SCN9A: variants seen among roughly 807,000 people sequenced by gnomAD.
SCN9A encodes sodium channel protein type 9 subunit alpha.
SCN9A carries 131 observed loss-of-function variants against 187.0 expected under a neutral mutation model. The observed-to-expected ratio is 0.70, with a 90% CI of 0.61 to 0.81. The LOEUF (loss-of-function observed/expected upper bound fraction) is 0.81, where lower values mean the gene tolerates loss of function less well. Ranked by LOEUF, SCN9A falls within the 30% of genes least tolerant of loss-of-function variation. The pLI, the probability that SCN9A is intolerant of heterozygous loss-of-function variation, is 0.00. For synonymous variants in SCN9A, 809 were observed against 808.6 expected (o/e 1.00, Z -0.01); for missense variants, 2,252 against 2,396.6 (o/e 0.94, Z 1.26).
chr2:166,366,163 C>T (rs773159916), intron 1 of SCN9A, among the ~76,000 whole-genome samples: 7 of 152,114 alleles, frequency 4.6e-5, no homozygotes, highest in Non-Finnish European at 7.4e-5. Context: ...CCAACTAGAC[C>T]GGATCTAATG....
intron 17 of SCN9A, 123 bp downstream of exon 17, chr2:166,272,276 C>T: frequency 1.6e-6 from 1 of 625,532 alleles, no homozygotes. Context: ...TAAAGTCACG[C>T]ACAAAAACTA....
chr2:166,277,351 T>C lies in SCN9A; in HGVS notation c.2518-12A>G, dbSNP rs200513936. 2.8e-5 allele frequency: 44 copies of C among 1,553,886 alleles called. No homozygotes were observed. Among genetic ancestry groups the C allele is most frequent in the Admixed American group, 6.9e-5 (4 of 57,810 alleles). ...TTGAAGACTCGGAGCTAAAAGCAAA[T>C]ATAAAGTTTAATGTTAATCACTATG... On this transcript the variant is annotated splice_polypyrimidine_tract_variant and intron_variant, in intron 15 of 26. Coordinates refer to ENST00000642356, the MANE Select transcript of SCN9A (RefSeq NM_001365536.1).
intron 24 of SCN9A, among the ~76,000 whole-genome samples, chr2:166,205,565 G>A (rs1693756698): frequency 6.6e-6 from 1 of 152,120 alleles, no homozygotes; most frequent in South Asian, 2.1e-4. Context: ...AACCCTAGAA[G>A]AAACTCTAGG....
intron 10 of SCN9A, among the ~76,000 whole-genome samples, 160 bp downstream of exon 10, chr2:166,288,277 A>G (rs991905414): frequency 2.0e-5 from 3 of 151,914 alleles, no homozygotes; most frequent in African/African-American, 4.8e-5. Context: ...TCAGCCCAGA[A>G]TTGGTTCCTT....
chr2:166,333,136 C>G (rs1699547799), intron 1 of SCN9A, among the ~76,000 whole-genome samples: 1 of 151,900 alleles, frequency 6.6e-6, no homozygotes, highest in African/African-American at 2.4e-5. Flanking sequence ...TCCCTACCTC[C>G]AGGTGGAGTT....
In SCN9A at chr2:166,311,741, G is replaced by A; in HGVS notation, c.16C>T (p.Pro6Ser). 1 of 1,603,428 alleles carries A rather than the reference G, an allele frequency of 6.2e-7. No individual in the cohort carries two copies. Residue 6 changes from proline to serine, a missense_variant, in exon 2 of 27, where the codon CCC (proline) becomes TCC (serine). Physicochemically the swap from Pro to Ser is moderately conservative, Grantham distance 74 (BLOSUM62 -1). Transcript: ENST00000642356. Reference sequence around the variant, plus strand: ...TGGACAAAGCTCTGAGGTCCTGGGGGAGGCAACATTGCCATCTTTTCATCC... The same window carrying A: ...TGGACAAAGCTCTGAGGTCCTGGGGAAGGCAACATTGCCATCTTTTCATCC... MAMLP[P>S]PGPQSFVHFT... is the part of the protein sequence containing the mutation.
At chr2:166,243,213 A>G (rs548211497) in intron 18 of SCN9A, among the ~76,000 whole-genome samples, 1 of 152,090 alleles carries the variant, frequency 6.6e-6, no homozygotes, top group Non-Finnish European at 1.5e-5. Flanking sequence ...GTGACTTTAA[A>G]TTTTTATGTA....
At chr2:166,258,647 T>C (rs1307442053) in intron 17 of SCN9A, among the ~76,000 whole-genome samples, 2 of 151,646 alleles carry the variant, frequency 1.3e-5, no homozygotes, top group East Asian at 3.9e-4. Context: ...ACCCCAACTT[T>C]CTAGATGTGT....
At chr2:166,240,197 A>G (rs1695503962) in intron 19 of SCN9A, among the ~76,000 whole-genome samples, 1 of 152,200 alleles carries the variant, frequency 6.6e-6, no homozygotes, top group African/African-American at 2.4e-5. Context: ...TTGTTTGAAA[A>G]TTAAATGAGA....
chr2:166,211,931 T>G (rs1486114626), intron 24 of SCN9A, among the ~76,000 whole-genome samples: 5 of 152,178 alleles, frequency 3.3e-5, no homozygotes, highest in African/African-American at 1.2e-4. Context: ...CCAATGATTA[T>G]TTCAAATACA....
chr2:166,246,054 T>C (rs989955064), intron 18 of SCN9A, among the ~76,000 whole-genome samples: 2 of 152,008 alleles, frequency 1.3e-5, no homozygotes, highest in African/African-American at 4.8e-5. Context: ...CTGGTGTTTT[T>C]GTTATCATGT....
intron 1 of SCN9A, among the ~76,000 whole-genome samples, chr2:166,374,972 G>A (rs1700654241): frequency 6.6e-6 from 1 of 151,494 alleles, no homozygotes; most frequent in Admixed American, 6.6e-5. Flanking sequence ...CACAAAAACT[G>A]GCATTAATGT....
intron 17 of SCN9A, among the ~76,000 whole-genome samples, chr2:166,266,944 C>G (rs539545329): frequency 6.6e-6 from 1 of 151,864 alleles, no homozygotes; most frequent in Non-Finnish European, 1.5e-5. Flanking sequence ...AAATCTACTA[C>G]TTTTTTTCAT....
At chr2:166,297,853 A>C (rs1698385479) in intron 7 of SCN9A, among the ~76,000 whole-genome samples, 1 of 152,202 alleles carries the variant, frequency 6.6e-6, no homozygotes, top group Non-Finnish European at 1.5e-5. Context: ...CCAACTTATC[A>C]CTAAAATACG....
rs567208316 is a variant in SCN9A at position 166,335,599 on chromosome 2, A to G, written c.-50-23793T>C. On this transcript the variant is annotated intron_variant, in intron 1 of 26. Coordinates refer to ENST00000642356, the MANE Select transcript of SCN9A (RefSeq NM_001365536.1). ...TAGCACCATAGGGGCAGGCACTGACAGGGTGATGTTCGGGACTGGGAGTTT... is the reference window on the plus strand; with the variant it reads ...TAGCACCATAGGGGCAGGCACTGACGGGGTGATGTTCGGGACTGGGAGTTT... Among the ~76,000 whole-genome samples the G allele has an allele frequency of 2.6e-5, 4 of 152,268 alleles. No individual in the cohort carries two copies. In the East Asian group the frequency reaches 7.7e-4, roughly 29 times the overall value.
In SCN9A at chr2:166,226,490, T is replaced by C. The variant is rs1320774406; in HGVS notation, c.4398+77A>G. On this transcript the variant is annotated intron_variant, in intron 24 of 26. Coordinates refer to ENST00000642356, the MANE Select transcript of SCN9A (RefSeq NM_001365536.1). ...AAATTAATCATGAATTGATATCAAATTAAACTTTACATTATCTTTTTTGGA... is the reference window on the plus strand; with the variant it reads ...AAATTAATCATGAATTGATATCAAACTAAACTTTACATTATCTTTTTTGGA... The C allele has an allele frequency of 2.9e-6, 3 of 1,045,146 alleles. No individual in the cohort carries two copies. The African/African-American group carries it at 4.9e-5, about 17-fold the overall frequency. 64.7% of individuals were successfully genotyped at this position (1,045,146 alleles called of 1,614,324 possible). A position where few individuals can be genotyped will look rare whatever the true frequency, so the allele number is the denominator to read the frequency against.
chr2:166,327,000 G>A (rs903986072), intron 1 of SCN9A, among the ~76,000 whole-genome samples: 3 of 152,036 alleles, frequency 2.0e-5, no homozygotes, highest in East Asian at 3.9e-4. Context: ...TTCAATGAAA[G>A]GTCTGTGAAA....
chr2:166,284,313 A>G (rs1559009779), intron 12 of SCN9A, 140 bp downstream of exon 12: 3 of 963,122 alleles, frequency 3.1e-6, no homozygotes, highest in Non-Finnish European at 3.1e-6. Flanking sequence ...TAGGCTAATG[A>G]ATCAAAGGTG....
chr2:166,296,873 T>G (rs1348140316), intron 7 of SCN9A, among the ~76,000 whole-genome samples: 1 of 152,036 alleles, frequency 6.6e-6, no homozygotes, highest in Non-Finnish European at 1.5e-5. Flanking sequence ...TGCTTGTGCA[T>G]ATTCAAAAGT....
Sources: allele counts gnomAD v4.1 joint callset (sites outside exome capture counted in the v4.1 genomes callset), GRCh38; gene constraint gnomAD v4.1.1; transcripts MANE v1.5; gene names NCBI Gene and HGNC (gene_info 2026-07-23, HGNC 2026-07-21).